Variants in DNAH14 observed in about 807,000 individuals in gnomAD.
DNAH14 encodes the protein axonemal beta dynein heavy chain 14.
DNAH14 carries 478 observed loss-of-function variants against 520.9 expected under a neutral mutation model. That is an observed-to-expected ratio of 0.92 (90% CI 0.85 to 0.99). The LOEUF (loss-of-function observed/expected upper bound fraction) is 0.99. Ranked by LOEUF, DNAH14 falls within the 50% of genes least tolerant of loss-of-function variation. DNAH14 has a pLI of 0.00. For missense variants in DNAH14, 4,831 were observed against 5,234.5 expected (o/e 0.92, Z 2.38); for synonymous variants, 1,581 against 1,757.2 (o/e 0.90, Z 2.51).
At chr1:225,384,509 G>T (rs2095817568) in intron 81 of DNAH14, among the ~76,000 whole-genome samples, 1 of 151,902 alleles carries the variant, frequency 6.6e-6, no homozygotes, top group South Asian at 2.1e-4. Context: ...AAAGAGAGAA[G>T]AATCAAATAG....
chr1:224,973,254 A>G (rs1469697852), intron 7 of DNAH14, among the ~76,000 whole-genome samples: 1 of 152,214 alleles, frequency 6.6e-6, no homozygotes, highest in Non-Finnish European at 1.5e-5. Flanking sequence ...AAATTAGCCA[A>G]CGTCATCACT....
intron 52 of DNAH14, among the ~76,000 whole-genome samples, chr1:225,275,329 C>CTA (rs1558236168): frequency 2.6e-5 from 4 of 152,158 alleles, no homozygotes; most frequent in Non-Finnish European, 5.9e-5. Flanking sequence ...TCTGTCAGTG[C>CTA]TATAACGTCA....
At chr1:225,109,953 G>C (rs1236177283) in intron 23 of DNAH14, among the ~76,000 whole-genome samples, 1 of 152,024 alleles carries the variant, frequency 6.6e-6, no homozygotes, top group Non-Finnish European at 1.5e-5. Context: ...TATGGTTTTT[G>C]TTCTTTATTC....
chr1:225,228,667 T>C (rs766103383), intron 41 of DNAH14, among the ~76,000 whole-genome samples: 9 of 152,148 alleles, frequency 5.9e-5, no homozygotes, highest in Non-Finnish European at 1.2e-4. Context: ...TTTTGTCTTA[T>C]GTTATTTACT....
intron 26 of DNAH14, among the ~76,000 whole-genome samples, chr1:225,120,212 G>A (rs1024111673): frequency 3.3e-5 from 5 of 152,204 alleles, no homozygotes; most frequent in African/African-American, 4.8e-5. Context: ...TGGAATCATA[G>A]CGGGGGTCAA....
At chr1:225,014,742 T>TG (rs1301783355) in intron 10 of DNAH14, among the ~76,000 whole-genome samples, 3 of 152,206 alleles carry the variant, frequency 2.0e-5, no homozygotes. Context: ...GAATGTTCCA[T>TG]GTGCTGATGA....
At chr1:225,276,999 A>AAGGG (rs1230311457) in intron 53 of DNAH14, among the ~76,000 whole-genome samples, 4,969 of 41,174 alleles carry the variant, frequency 0.12, 554 homozygotes, top group Non-Finnish European at 0.16. Flanking sequence ...GGGAGGAAGG[A>AAGGG]AGGGAGGGAG....
intron 23 of DNAH14, among the ~76,000 whole-genome samples, chr1:225,101,260 T>C (rs183747698): frequency 6.6e-6 from 1 of 152,116 alleles, no homozygotes; most frequent in African/African-American, 2.4e-5. Flanking sequence ...TATATATTTA[T>C]GGGGTACATG....
Position 225,337,311 on chromosome 1 carries a change from G to A in DNAH14, c.10126G>A (p.Val3376Ile). Residue 3376 changes from valine (V) to isoleucine (I), a missense_variant, in exon 67 of 86, where the codon GTA becomes ATA. By Grantham distance (29) the Val-to-Ile change is conservative (BLOSUM62 3). Coordinates refer to ENST00000682510, the MANE Select transcript of DNAH14 (RefSeq NM_001367479.1). ...GGGACTGCCTCATGGTCAGTATTCA[G>A]TAGAGAATGCCATCTTGATCAAGAA... is the stretch of plus-strand genomic sequence containing the variant. ...NQGLPHGQYSVENAILIKNGQ... is the reference protein window; with the variant it reads ...NQGLPHGQYSIENAILIKNGQ... 1 of 1,551,916 alleles carries A rather than the reference G, an allele frequency of 6.4e-7. No individual in the cohort carries two copies. Among genetic ancestry groups the A allele is most frequent in the Non-Finnish European group, 8.7e-7 (1 of 1,147,040 alleles).
chr1:225,158,413 T>G (rs967836489), intron 34 of DNAH14, among the ~76,000 whole-genome samples: 4 of 152,160 alleles, frequency 2.6e-5, no homozygotes, highest in Non-Finnish European at 5.9e-5. Context: ...ACTGCAGTCC[T>G]CCATACACTG....
chr1:225,010,838 C>T (rs1456909240), intron 10 of DNAH14, among the ~76,000 whole-genome samples: 1 of 151,930 alleles, frequency 6.6e-6, no homozygotes. Context: ...CTGTATGTGT[C>T]CAGGAATTTA....
At chr1:225,259,054 AT>A in intron 45 of DNAH14, 66 bp from the exon 46 acceptor site, 1 of 1,411,936 alleles carries the variant, frequency 7.1e-7, no homozygotes, top group Non-Finnish European at 9.3e-7. Flanking sequence ...TTATTGGTTC[AT>A]TTTAATGTGT....
At chr1:225,329,952 T>C (rs2094758132) in intron 64 of DNAH14, among the ~76,000 whole-genome samples, 1 of 152,074 alleles carries the variant, frequency 6.6e-6, no homozygotes, top group African/African-American at 2.4e-5. Flanking sequence ...AACATCTCTA[T>C]AGAAAAAAAT....
chr1:225,338,107 AG>A lies in DNAH14; in HGVS notation c.10360del (p.Asp3454IlefsTer11). 2 of 1,551,420 alleles carry A rather than the reference AG, an allele frequency of 1.3e-6. No individual in the cohort carries two copies. Among genetic ancestry groups the A allele is most frequent in the Non-Finnish European group, 1.7e-6 (2 of 1,146,878 alleles). ...LAPGLKAILK[K>X]DIYQKKGHYF... Reference sequence around the variant, plus strand: ...CCAGGCTTAAAGGCAATTCTGAAAAAGGATATCTATCAGAAAAAAGGACACT... The same window carrying A: ...CCAGGCTTAAAGGCAATTCTGAAAAAGATATCTATCAGAAAAAAGGACACT... On this transcript the variant is annotated frameshift_variant, in exon 68 of 86. Transcript: ENST00000682510. LOFTEE classifies it high-confidence loss of function.
intron 36 of DNAH14, among the ~76,000 whole-genome samples, chr1:225,175,070 A>G (rs1016150876): frequency 6.6e-6 from 1 of 152,116 alleles, no homozygotes; most frequent in Non-Finnish European, 1.5e-5. Flanking sequence ...TGTTAAATTC[A>G]GTTTGCTAGT....
chr1:225,282,961 A>G (rs2093658769), intron 54 of DNAH14, among the ~76,000 whole-genome samples: 1 of 152,140 alleles, frequency 6.6e-6, no homozygotes, highest in South Asian at 2.1e-4. Flanking sequence ...ATGTGTGGCA[A>G]ATGTAATTTT....
At chr1:225,206,636 T>TAAGTAGATAAGTAACC (rs1286093251) in intron 40 of DNAH14, among the ~76,000 whole-genome samples, 7 of 152,222 alleles carry the variant, frequency 4.6e-5, no homozygotes, top group South Asian at 4.1e-4. Context: ...AACCCTATGC[T>TAAGTAGATAAGTAACC]CTAATCTACT....
At chr1:225,285,072 G>A (rs1368924485) in intron 54 of DNAH14, among the ~76,000 whole-genome samples, 1 of 152,132 alleles carries the variant, frequency 6.6e-6, no homozygotes, top group Admixed American at 6.5e-5. Flanking sequence ...TGAGAACAAA[G>A]CAAGAATGTT....
At chr1:225,063,307 A>G (rs559007832) in intron 17 of DNAH14, among the ~76,000 whole-genome samples, 1 of 152,306 alleles carries the variant, frequency 6.6e-6, no homozygotes, top group Non-Finnish European at 1.5e-5. Flanking sequence ...TATACTTTAA[A>G]TCACCTCTAG....
Sources: allele counts gnomAD v4.1 joint callset (sites outside exome capture counted in the v4.1 genomes callset), GRCh38; gene constraint gnomAD v4.1.1; transcripts MANE v1.5; gene names NCBI Gene and HGNC (gene_info 2026-07-23, HGNC 2026-07-21).